Variants in HEATR4 observed in about 807,000 individuals in gnomAD.
The protein encoded by HEATR4 is HEAT repeat-containing protein 4.
A neutral mutation model predicts 108.8 loss-of-function variants in HEATR4; 95 were observed. The observed-to-expected ratio is 0.87, with a 90% CI of 0.74 to 1.04. The LOEUF is 1.04. Among genes scored for constraint, HEATR4 ranks in the 50% least tolerant of loss-of-function variants. The pLI is 0.00. For missense variants in HEATR4, 1,152 were observed against 1,253.8 expected (o/e 0.92, Z 1.23); for synonymous variants, 443 against 459.4 (o/e 0.96, Z 0.46).
At chr14:73,578,110 C>G in the HEATR4 span, among the ~76,000 whole-genome samples, 3 of 151,830 alleles carry the variant, frequency 2.0e-5, no homozygotes, top group Non-Finnish European at 4.4e-5. Context: ...CTTGGCCTCC[C>G]AAAGTGCCAG....
At chr14:73,493,259 C>G in intron 16 of HEATR4, 135 bp from the exon 17 acceptor site, 1 of 690,256 alleles carries the variant, frequency 1.4e-6, no homozygotes, top group Non-Finnish European at 2.5e-6. Flanking sequence ...CTGCTTGAGA[C>G]AGATATTAGA....
At chr14:73,509,561 C>T in intron 7 of HEATR4, 88 bp from the exon 8 acceptor site, 1 of 1,364,512 alleles carries the variant, frequency 7.3e-7, no homozygotes, top group Non-Finnish European at 1.0e-6. Flanking sequence ...TGGTGGCCAA[C>T]CTCAGTCCCA....
At chr14:73,562,700 TG>T (rs560423448), upstream of HEATR4, among the ~76,000 whole-genome samples, 1 of 152,074 alleles carries the variant, frequency 6.6e-6, no homozygotes, top group South Asian at 2.1e-4. Flanking sequence ...ATGTCTGTCT[TG>T]TGCCGTTGAG....
the HEATR4 span, among the ~76,000 whole-genome samples, chr14:73,586,691 T>C: frequency 2.9e-5 from 4 of 140,154 alleles, no homozygotes; most frequent in African/African-American, 1.2e-4. Context: ...GGAGACACAG[T>C]GACTCTGTCT....
chr14:73,562,831 GTTGT>G (rs1003191573), upstream of HEATR4, among the ~76,000 whole-genome samples: 5 of 151,948 alleles, frequency 3.3e-5, no homozygotes, highest in Admixed American at 6.6e-5. Context: ...CCCGTTTTCT[GTTGT>G]TTAAGATGTT....
At position 73,509,341 on chromosome 14, in the gene HEATR4, C is replaced by T. The variant is rs76870457; in HGVS notation, c.1691G>A (p.Arg564Gln). 5,995 of 1,614,000 alleles carry T rather than the reference C, an allele frequency of 3.7e-3. 197 individuals are homozygous for T. In the African/African-American group the frequency reaches 0.069, roughly 19 times the overall value. The change falls in exon 8 of 18, where the codon CGG becomes CAG. Residue 564 changes from arginine (R) to glutamine (Q), a missense_variant. Physicochemically the swap from Arg to Gln is conservative, Grantham distance 43. Transcript: ENST00000553558. ...YAIQSHNPLA[R>Q]NIMQTALLKG... ...CAGAAGGGCAGTCTGCATGATGTTC[C>T]GGGCAAGGGGATTATGTGACTGTAT...
intron 11 of HEATR4, among the ~76,000 whole-genome samples, 191 bp downstream of exon 11, chr14:73,502,704 C>T (rs1158972263): frequency 6.6e-6 from 1 of 152,126 alleles, no homozygotes; most frequent in East Asian, 1.9e-4. Flanking sequence ...TGTGCCACCA[C>T]GCCTGGCTAA....
intron 17 of HEATR4, among the ~76,000 whole-genome samples, chr14:73,487,941 A>T (rs1283872459): frequency 6.6e-6 from 1 of 152,224 alleles, no homozygotes; most frequent in African/African-American, 2.4e-5. Context: ...TTGTAGAAGT[A>T]GAGTTTACAG....
At chr14:73,598,160 T>C in the HEATR4 span, among the ~76,000 whole-genome samples, 2 of 126,800 alleles carry the variant, frequency 1.6e-5, no homozygotes, top group East Asian at 4.9e-4. Flanking sequence ...GATCATGAGG[T>C]CAGGAGATCA....
intron 8 of HEATR4, among the ~76,000 whole-genome samples, 181 bp from the exon 9 acceptor site, chr14:73,508,475 A>G (rs4903117): frequency 0.79 from 120,445 of 152,076 alleles, 48,191 homozygotes; most frequent in African/African-American, 0.91. Flanking sequence ...TTGGCTGGGC[A>G]CGGTGGCTAA....
At chr14:73,486,828 G>A (rs1411519085) in intron 17 of HEATR4, among the ~76,000 whole-genome samples, 26 of 152,230 alleles carry the variant, frequency 1.7e-4, no homozygotes, top group Admixed American at 1.7e-3. Context: ...ATGATGGGAT[G>A]AATTTTGATG....
In HEATR4 at chr14:73,478,749, G is replaced by T. The variant is rs746559676; in HGVS notation, c.2938C>A (p.Leu980Ile). 5 of 1,614,080 alleles carry T rather than the reference G, an allele frequency of 3.1e-6. No individual in the cohort carries two copies. Among genetic ancestry groups the T allele is most frequent in the Non-Finnish European group, 4.2e-6 (5 of 1,180,004 alleles). The change falls in exon 18 of 18, where the codon CTA becomes ATA. Residue 980 changes from leucine (L) to isoleucine (I), a missense_variant. By Grantham distance (5) the Leu-to-Ile change is conservative. Transcript: ENST00000553558. ...SKVRSSLVKDLRTSPEKRIAV... is the reference protein window; with the variant it reads ...SKVRSSLVKDIRTSPEKRIAV... ...ATCCTTTTCTCGGGGGAGGTGCGTA[G>T]ATCTTTGACAAGTGATGAACGAACT...
the HEATR4 span, chr14:73,591,612 T>G: frequency 4.1e-6 from 1 of 246,770 alleles, no homozygotes. Context: ...CTTGATCTCA[T>G]TGGCTTTTGG....
chr14:73,612,679 G>A, the HEATR4 span: 2 of 1,405,552 alleles, frequency 1.4e-6, no homozygotes, highest in South Asian at 1.5e-5. Context: ...CGCTGCGCAC[G>A]TCCCTGCGCG....
At chr14:73,627,278 C>A in the HEATR4 span, among the ~76,000 whole-genome samples, 1 of 152,056 alleles carries the variant, frequency 6.6e-6, no homozygotes, top group Non-Finnish European at 1.5e-5. Flanking sequence ...TCTCCCCACA[C>A]ACCAGGCAGG....
chr14:73,490,005 C>T (rs1380278001), intron 17 of HEATR4, among the ~76,000 whole-genome samples: 2 of 152,166 alleles, frequency 1.3e-5, no homozygotes, highest in South Asian at 2.1e-4. Context: ...GGGAACCTGC[C>T]GGTGGAACAT....
chr14:73,491,083 C>A, intron 17 of HEATR4: 1 of 1,599,494 alleles, frequency 6.3e-7, no homozygotes, highest in Non-Finnish European at 8.5e-7. Context: ...GGCGCAAGCC[C>A]CAGCCACACA....
At chr14:73,575,448 C>G in the HEATR4 span, 5 of 1,429,356 alleles carry the variant, frequency 3.5e-6, no homozygotes, top group Non-Finnish European at 4.6e-6. Context: ...TGCTTGGAAA[C>G]AACTCCAGAC....
the HEATR4 span, among the ~76,000 whole-genome samples, chr14:73,598,990 C>T: frequency 3.3e-5 from 5 of 151,722 alleles, no homozygotes; most frequent in African/African-American, 1.2e-4. Context: ...GGCAACACAG[C>T]GAGACTGTCT....
Sources: allele counts gnomAD v4.1 joint callset (sites outside exome capture counted in the v4.1 genomes callset), GRCh38; gene constraint gnomAD v4.1.1; transcripts MANE v1.5; gene names NCBI Gene and HGNC (gene_info 2026-07-23, HGNC 2026-07-21).